The following PCDHGB3 variants were observed in gnomAD, a reference collection of about 807,000 sequenced individuals.
The protein encoded by PCDHGB3 is protocadherin gamma-B3.
A neutral mutation model predicts 59.2 loss-of-function variants in PCDHGB3; 40 were observed. The ratio of observed to expected loss-of-function variants is 0.68; its 90% CI spans 0.52 to 0.88. The LOEUF is 0.88. Among genes scored for constraint, PCDHGB3 ranks in the 40% least tolerant of loss-of-function variants. PCDHGB3 has a pLI of 0.00. For missense variants in PCDHGB3, 1,309 were observed against 1,187.9 expected (o/e 1.10, Z -1.50); for synonymous variants, 581 against 503.6 (o/e 1.15, Z -2.06).
intron 1 of PCDHGB3, chr5:141,478,693 G>A: frequency 6.4e-7 from 1 of 1,550,764 alleles, no homozygotes; most frequent in Non-Finnish European, 8.7e-7. Context: ...CTAGATCAAA[G>A]TTAGTGCCTT....
chr5:141,443,650 CA>C (rs2098397782), intron 1 of PCDHGB3, among the ~76,000 whole-genome samples: 1 of 152,150 alleles, frequency 6.6e-6, no homozygotes. Flanking sequence ...ATAATGTTAG[CA>C]TAGCATTTTA....
At chr5:141,395,088 C>G (rs778953049) in intron 1 of PCDHGB3, 31 of 1,614,076 alleles carry the variant, frequency 1.9e-5, no homozygotes, top group East Asian at 6.7e-5. Flanking sequence ...GGAAGTCTCC[C>G]TCACCGCCGA....
At chr5:141,454,796 ATTTTTTTTTTTTTTTT>A (rs61612330) in intron 1 of PCDHGB3, among the ~76,000 whole-genome samples, 1 of 77,408 alleles carries the variant, frequency 1.3e-5, no homozygotes, top group East Asian at 4.0e-4. Flanking sequence ...CATGGTTCTA[ATTTTTTTTTTTTTTTT>A]TTTTTTTTTT....
chr5:141,447,388 T>C (rs1302757515), intron 1 of PCDHGB3, among the ~76,000 whole-genome samples: 3 of 152,166 alleles, frequency 2.0e-5, no homozygotes, highest in African/African-American at 7.2e-5. Flanking sequence ...TCTGCCCACC[T>C]CGGCCTCCCA....
intron 1 of PCDHGB3, chr5:141,400,068 GC>G (rs1160956861): frequency 6.2e-7 from 1 of 1,613,706 alleles, no homozygotes; most frequent in African/African-American, 1.3e-5. Context: ...ATGGTGGACA[GC>G]CGCCACTCTC....
chr5:141,462,253 A>C (rs7717600), intron 1 of PCDHGB3, among the ~76,000 whole-genome samples: 42,489 of 152,124 alleles, frequency 0.28, 6,669 homozygotes, highest in African/African-American at 0.43. Context: ...AGCCACCATG[A>C]CCAGCCTAAA....
At position 141,383,936 on chromosome 5, in the gene PCDHGB3, AAGTGACTATG is replaced by A. The variant is rs765282926; in HGVS notation, c.2415+11129_2415+11138del. On this transcript the variant is annotated intron_variant, in intron 1 of 3. Coordinates refer to ENST00000576222, the MANE Select transcript of PCDHGB3 (RefSeq NM_018924.5). ...TTAGATGTAAATGATAATGCTCCAG[AAGTGACTATG>A]ACGTCTTTAAGTAGCTCAATCCCTG... 5.0e-6 allele frequency: 8 copies of A among 1,613,818 alleles called. No homozygotes were observed. In the South Asian group the frequency reaches 8.8e-5, roughly 18 times the overall value.
intron 1 of PCDHGB3, chr5:141,399,866 C>G (rs1312435366): frequency 1.1e-5 from 17 of 1,612,854 alleles, no homozygotes; most frequent in Non-Finnish European, 1.4e-5. Context: ...GCTGCAGAGC[C>G]CGGCTACCTG....
chr5:141,432,611 T>C lies in PCDHGB3; in HGVS notation c.2415+59802T>C, dbSNP rs141541670. On this transcript the variant is annotated intron_variant, in intron 1 of 3. Transcript: ENST00000576222. This position sits in a 1 kb window ranked among gnomAD's most constrained non-coding sequence, Gnocchi z 6.0. ...CAAGGCCAGCGAGCCGGGACTCTTC[T>C]CGGTGGGTCTGCACACGGGCGAGGT... The C allele has an allele frequency of 2.5e-6, 4 of 1,613,860 alleles. No homozygotes were observed. In the South Asian group the frequency reaches 4.4e-5, roughly 18 times the overall value.
intron 1 of PCDHGB3, chr5:141,400,317 G>A: frequency 6.2e-7 from 1 of 1,614,078 alleles, no homozygotes; most frequent in Middle Eastern, 1.6e-4. Flanking sequence ...TCTGTGTCAA[G>A]TCTGGACCTG....
chr5:141,406,288 G>A (rs72790038), intron 1 of PCDHGB3, among the ~76,000 whole-genome samples: 9,719 of 151,928 alleles, frequency 0.064, 366 homozygotes, highest in African/African-American at 0.1. Context: ...CCAAAGCACT[G>A]GGTGAGGTGT....
intron 1 of PCDHGB3, among the ~76,000 whole-genome samples, chr5:141,492,418 C>T (rs1428695013): frequency 2.0e-5 from 3 of 152,236 alleles, no homozygotes; most frequent in Admixed American, 1.3e-4. Flanking sequence ...CCGCTCCCTC[C>T]GCCGGGCTCA....
chr5:141,432,250 A>C lies in PCDHGB3; in HGVS notation c.2415+59441A>C, dbSNP rs777728825. ...ATTCCCTGGCTGAGAACACCATCCA[A>C]GGGGCAAGCCTATCGTCCTACGTGT... On this transcript the variant is annotated intron_variant, in intron 1 of 3. Coordinates refer to ENST00000576222, the MANE Select transcript of PCDHGB3 (RefSeq NM_018924.5). This position sits in a 1 kb window ranked among gnomAD's most constrained non-coding sequence, Gnocchi z 6.0. 2 of 1,614,116 alleles carry C rather than the reference A, an allele frequency of 1.2e-6. No homozygotes were observed. The highest frequency in any genetic ancestry group is 1.7e-6 in the Non-Finnish European group (2 of 1,180,062).
chr5:141,476,642 C>T lies in PCDHGB3; in HGVS notation c.2416-18165C>T. On this transcript the variant is annotated intron_variant, in intron 1 of 3. Transcript: ENST00000576222. This position sits in a 1 kb window ranked among gnomAD's most constrained non-coding sequence, Gnocchi z 7.6. The stretch of plus-strand genomic sequence containing the variant: ...CTCTTTACAAACCTATGAGCTGAGC[C>T]GAAATGAATACTTTGCGCTTCGCGT... The T allele has an allele frequency of 1.9e-6, 3 of 1,614,240 alleles. No individual in the cohort carries two copies. The highest frequency in any genetic ancestry group is 2.5e-6 in the Non-Finnish European group (3 of 1,180,050).
At chr5:141,482,343 A>G (rs1016179369) in intron 1 of PCDHGB3, among the ~76,000 whole-genome samples, 3 of 152,126 alleles carry the variant, frequency 2.0e-5, no homozygotes, top group Non-Finnish European at 2.9e-5. Flanking sequence ...TACTTTGCAA[A>G]CTTGTTGTGA....
At chr5:141,398,267 T>G (rs757957397) in intron 1 of PCDHGB3, 2 of 1,435,108 alleles carry the variant, frequency 1.4e-6, no homozygotes, top group East Asian at 2.5e-5. Context: ...GGCTCCGTAG[T>G]GGGGAACCTC....
intron 1 of PCDHGB3, chr5:141,408,674 A>T (rs1005052894): frequency 3.1e-6 from 5 of 1,614,000 alleles, no homozygotes; most frequent in Non-Finnish European, 4.2e-6. Flanking sequence ...TGACCCTGCC[A>T]CGGATCCTGA....
chr5:141,466,812 G>A (rs1394979761), intron 1 of PCDHGB3, among the ~76,000 whole-genome samples: 3 of 151,940 alleles, frequency 2.0e-5, no homozygotes, highest in Non-Finnish European at 4.4e-5. Flanking sequence ...ATTCAGACAT[G>A]GTATAACAAG....
chr5:141,418,586 A>C lies in PCDHGB3; in HGVS notation c.2415+45777A>C, dbSNP rs1422171892. ...TGCCAATGACAACCCCCCAGTGTTC[A>C]GCCAGGACGTGTACAGGGTTAGCCT... On this transcript the variant is annotated intron_variant, in intron 1 of 3. Transcript: ENST00000576222. The C allele has an allele frequency of 1.9e-6, 3 of 1,613,930 alleles. No individual in the cohort carries two copies. In the Admixed American group the frequency reaches 5.0e-5, roughly 27 times the overall value.
Sources: allele counts gnomAD v4.1 joint callset (sites outside exome capture counted in the v4.1 genomes callset), GRCh38; gene constraint gnomAD v4.1.1; non-coding constraint Gnocchi (gnomAD v3.1); transcripts MANE v1.5; gene names NCBI Gene and HGNC (gene_info 2026-07-23, HGNC 2026-07-21).